SHISAL1: variants seen among roughly 807,000 people sequenced by gnomAD.
SHISAL1 encodes the protein shisa like 1.
SHISAL1 carries 9 observed loss-of-function variants against 22.6 expected under a neutral mutation model. The observed-to-expected ratio is 0.40, with a 90% CI of 0.24 to 0.70. SHISAL1 has a LOEUF of 0.70. SHISAL1 is among the 30% of genes least tolerant of loss of function. The probability of loss-of-function intolerance (pLI) is 0.39; values close to 1 mark genes in which losing one functional copy is unlikely to be tolerated. For missense variants in SHISAL1, 246 were observed against 270.6 expected (o/e 0.91, Z 0.64); for synonymous variants, 119 against 115.4 (o/e 1.03, Z -0.20).
At chr22:44,307,059 C>T (rs2055484621) in intron 1 of SHISAL1, among the ~76,000 whole-genome samples, 1 of 152,184 alleles carries the variant, frequency 6.6e-6, no homozygotes, top group East Asian at 1.9e-4. Flanking sequence ...CACTGGACAA[C>T]ATCCCCTGAG....
At chr22:44,326,313 A>T in the SHISAL1 span, among the ~76,000 whole-genome samples, 1 of 152,156 alleles carries the variant, frequency 6.6e-6, no homozygotes, top group Non-Finnish European at 1.5e-5. Flanking sequence ...ATCAGGCGAC[A>T]ACGAGGAGCT....
intron 1 of SHISAL1, among the ~76,000 whole-genome samples, chr22:44,304,995 C>T (rs1027167398): frequency 1.2e-4 from 19 of 152,280 alleles, no homozygotes; most frequent in African/African-American, 4.1e-4. Context: ...CTACAAAGCC[C>T]TGAGTGTACT....
chr22:44,253,013 TAAAA>T (rs201393616), intron 4 of SHISAL1, among the ~76,000 whole-genome samples: 1 of 148,420 alleles, frequency 6.7e-6, no homozygotes, highest in Non-Finnish European at 1.5e-5. Context: ...ATAAAAAAAA[TAAAA>T]AAAAAGGGCA....
the SHISAL1 span, among the ~76,000 whole-genome samples, chr22:44,321,151 G>A: frequency 6.6e-6 from 1 of 152,148 alleles, no homozygotes; most frequent in Admixed American, 6.5e-5. Flanking sequence ...CAGTGCTCCA[G>A]CCACACAGTT....
chr22:44,327,131 G>A, the SHISAL1 span, among the ~76,000 whole-genome samples: 2 of 152,020 alleles, frequency 1.3e-5, no homozygotes, highest in South Asian at 2.1e-4. Context: ...GCAGTTCCTG[G>A]GGCCTCTCCC....
intron 1 of SHISAL1, among the ~76,000 whole-genome samples, chr22:44,303,602 T>C (rs904259146): frequency 6.6e-6 from 1 of 152,174 alleles, no homozygotes; most frequent in Non-Finnish European, 1.5e-5. Context: ...TGACTTGGAC[T>C]TCCAGCCTCC....
At chr22:44,265,030 T>C (rs2055152478) in intron 4 of SHISAL1, among the ~76,000 whole-genome samples, 1 of 151,780 alleles carries the variant, frequency 6.6e-6, no homozygotes, top group Non-Finnish European at 1.5e-5. Context: ...CACACCAGAG[T>C]GTTGACTTTT....
At chr22:44,324,302 C>G in the SHISAL1 span, among the ~76,000 whole-genome samples, 75,943 of 152,052 alleles carry the variant, frequency 0.5, 20,166 homozygotes, top group Non-Finnish European at 0.58. Flanking sequence ...CTGGCTCCCC[C>G]CTGCCTGGTC....
intron 4 of SHISAL1, among the ~76,000 whole-genome samples, chr22:44,264,906 G>GC (rs2055151283): frequency 6.6e-6 from 1 of 150,770 alleles, no homozygotes; most frequent in African/African-American, 2.4e-5. Context: ...ATACACCAGA[G>GC]CCCCCAGCAA....
At chr22:44,309,172 A>G (rs113505730) in intron 1 of SHISAL1, among the ~76,000 whole-genome samples, 1 of 152,160 alleles carries the variant, frequency 6.6e-6, no homozygotes, top group Non-Finnish European at 1.5e-5. Flanking sequence ...GTCGCCACTC[A>G]GGGATCACCT....
chr22:44,315,905 A>C (rs994403299), upstream of SHISAL1, among the ~76,000 whole-genome samples: 68 of 152,002 alleles, frequency 4.5e-4, no homozygotes, highest in African/African-American at 1.6e-3. Context: ...CAATGGCAGG[A>C]TGGGTCTCCA....
At chr22:44,253,661 T>C (rs6006504) in intron 4 of SHISAL1, among the ~76,000 whole-genome samples, 34,967 of 150,754 alleles carry the variant, frequency 0.23, 4,822 homozygotes, top group East Asian at 0.37. Flanking sequence ...AGTCTGGTCT[T>C]GAACTCCTGA....
At chr22:44,271,456 C>T (rs1015150634) in intron 4 of SHISAL1, among the ~76,000 whole-genome samples, 1 of 152,208 alleles carries the variant, frequency 6.6e-6, no homozygotes, top group Non-Finnish European at 1.5e-5. Context: ...TTAGGAGGAA[C>T]AGGGAGTGAG....
chr22:44,266,456 CTGTG>C (rs914096490), intron 4 of SHISAL1, among the ~76,000 whole-genome samples: 5 of 102,906 alleles, frequency 4.9e-5, no homozygotes, highest in Admixed American at 1.4e-4. Flanking sequence ...GTGTGTGGGG[CTGTG>C]TGTGTGTTGG....
intron 2 of SHISAL1, 40 bp downstream of exon 2, chr22:44,300,839 C>G (rs919790271): frequency 7.6e-6 from 12 of 1,572,576 alleles, no homozygotes; most frequent in East Asian, 6.7e-5. Flanking sequence ...CCCACACCCC[C>G]ACGTGCCGCC....
chr22:44,250,018 G>C (rs116350935), intron 4 of SHISAL1, among the ~76,000 whole-genome samples: 271 of 152,288 alleles, frequency 1.8e-3, no homozygotes, highest in African/African-American at 6.4e-3. Flanking sequence ...TAGTAGAATG[G>C]AGAGTGCAGA....
chr22:44,322,847 C>T, the SHISAL1 span, among the ~76,000 whole-genome samples: 4 of 152,222 alleles, frequency 2.6e-5, no homozygotes, highest in African/African-American at 9.6e-5. Flanking sequence ...AAGCTTCTGC[C>T]CCCAAACTTC....
chr22:44,312,115 C>T (rs1237911703), intron 1 of SHISAL1, among the ~76,000 whole-genome samples: 2 of 152,198 alleles, frequency 1.3e-5, no homozygotes, highest in African/African-American at 4.8e-5. Context: ...GAAGCCAAAG[C>T]CCTAAGCCTC....
chr22:44,269,577 C>T (rs1224114987), intron 4 of SHISAL1, among the ~76,000 whole-genome samples: 1 of 135,134 alleles, frequency 7.4e-6, no homozygotes, highest in Non-Finnish European at 1.6e-5. Context: ...TACACCATGC[C>T]AGATACCACA....
Sources: allele counts gnomAD v4.1 joint callset (sites outside exome capture counted in the v4.1 genomes callset), GRCh38; gene constraint gnomAD v4.1.1; transcripts MANE v1.5; gene names NCBI Gene and HGNC (gene_info 2026-07-23, HGNC 2026-07-21).